Variants in NUP98 observed in about 807,000 individuals in gnomAD.
The protein encoded by NUP98 is nuclear pore complex protein Nup98-Nup96.
In NUP98, 26 loss-of-function variants were observed where a neutral mutation model predicts 191.9. The observed-to-expected ratio is 0.14, with a 90% CI of 0.10 to 0.19. NUP98 has a LOEUF of 0.19. NUP98 is among the 10% of genes least tolerant of loss of function. NUP98 has a pLI of 1.00. For missense variants in NUP98, 1,941 were observed against 2,178.8 expected, an observed-to-expected ratio of 0.89 and a Z score of 2.17; for synonymous variants, 808 against 778.4, an observed-to-expected ratio of 1.04 and a Z score of -0.63.
At chr11:3,737,392 G>A (rs373522930) in intron 12 of NUP98, among the ~76,000 whole-genome samples, 28 of 151,320 alleles carry the variant, frequency 1.9e-4, no homozygotes, top group Middle Eastern at 3.5e-3. Flanking sequence ...TTGGGAGGCC[G>A]AGGCAGGCGG....
At position 3,686,156 on chromosome 11, in the gene NUP98, A is replaced by G. The variant is rs61756014; in HGVS notation, c.4493T>C (p.Ile1498Thr). 1,823 of 1,614,258 alleles carry G rather than the reference A, an allele frequency of 1.1e-3. 17 individuals are homozygous for G. In the African/African-American group the frequency reaches 0.022, roughly 19 times the overall value. ...GCGGTAGTCCAAAGGATCTGCTGTT[A>G]TGCTTCGAGGCTCCAGCAGCTGGTT... ...DLNQLLEPRSITADPLDYRLS... is the reference protein window; with the variant it reads ...DLNQLLEPRSTTADPLDYRLS... The change falls in exon 29 of 33, where the codon ATA (isoleucine) becomes ACA (threonine). Residue 1498 changes from isoleucine to threonine, a missense_variant. Ile to Thr is a moderately conservative substitution (Grantham distance 89, BLOSUM62 -1). Transcript: ENST00000324932.
At chr11:3,748,035 T>C (rs145637151) in intron 11 of NUP98, among the ~76,000 whole-genome samples, 33 of 152,334 alleles carry the variant, frequency 2.2e-4, no homozygotes, top group African/African-American at 7.2e-4. Context: ...TTTTAGTTTA[T>C]AGGAGAGGCA....
intron 1 of NUP98, 58 bp downstream of exon 1, chr11:3,797,342 C>A: frequency 2.5e-6 from 1 of 399,934 alleles, no homozygotes; most frequent in Non-Finnish European, 4.4e-6. Flanking sequence ...GTCCGCCCGC[C>A]CGGAAGGGGG....
At position 3,712,626 on chromosome 11, in the gene NUP98, G is replaced by C. The variant is rs752309310; in HGVS notation, c.2680C>G (p.Pro894Ala). The C allele has an allele frequency of 1.2e-6, 2 of 1,613,948 alleles. No homozygotes were observed. Among genetic ancestry groups the C allele is most frequent in the Non-Finnish European group, 1.7e-6 (2 of 1,180,018 alleles). ...TGCAAGGGCGTAGTCTGGCTTGCAG[G>C]AGGCAAAGGAGCAGTCTTCAACTTC... ...TKKLKTAPLP[P>A]ASQTTPLQMA... The change falls in exon 20 of 33, where the codon CCT becomes GCT. Residue 894 changes from proline (P) to alanine (A), a missense_variant. Coordinates refer to ENST00000324932, the MANE Select transcript of NUP98 (RefSeq NM_016320.5).
At chr11:3,701,691 CTT>C (rs1160678744) in intron 23 of NUP98, among the ~76,000 whole-genome samples, 3 of 143,458 alleles carry the variant, frequency 2.1e-5, no homozygotes, top group African/African-American at 2.6e-5. Context: ...TCTTTTCTCT[CTT>C]TTTTTTTTTT....
rs2082582611 is a variant in NUP98 at position 3,796,489 on chromosome 11, TTC to T, written c.-29+909_-29+910del. Among the ~76,000 whole-genome samples the T allele has an allele frequency of 3.3e-5, 5 of 152,362 alleles. No homozygotes were observed. The South Asian group carries it at 1.0e-3, about 32-fold the overall frequency. On this transcript the variant is annotated intron_variant, in intron 1 of 32. Transcript: ENST00000324932. ...TTCTTTAACCATCTTCTAAGTTTAGTTCTCAAGCTCTAGGTTAGGGTACCACT... is the reference window on the plus strand; with the variant it reads ...TTCTTTAACCATCTTCTAAGTTTAGTTCAAGCTCTAGGTTAGGGTACCACT...
At chr11:3,736,602 TG>T (rs1355567845) in intron 12 of NUP98, among the ~76,000 whole-genome samples, 1 of 152,226 alleles carries the variant, frequency 6.6e-6, no homozygotes, top group Non-Finnish European at 1.5e-5. Context: ...CACTCCAGCC[TG>T]GGTGAAAGAG....
chr11:3,781,980 G>A lies in NUP98; in HGVS notation c.76+62C>T. The A allele has an allele frequency of 5.5e-6, 6 of 1,082,802 alleles. No individual in the cohort carries two copies. In the East Asian group the frequency reaches 1.5e-4, roughly 26 times the overall value. 67.1% of individuals were successfully genotyped at this position (1,082,802 alleles called of 1,614,324 possible). A position where few individuals can be genotyped will look rare whatever the true frequency, so the allele number is the denominator to read the frequency against. On this transcript the variant is annotated intron_variant, in intron 2 of 32. Coordinates refer to ENST00000324932, the MANE Select transcript of NUP98 (RefSeq NM_016320.5). ...ATTCCCACCTAAAGCTTATCAGAGT[G>A]GATTTGTTCTTAGTAAGGGAGATTA...
intron 7 of NUP98, among the ~76,000 whole-genome samples, chr11:3,769,427 C>T (rs2081445191): frequency 6.6e-6 from 1 of 151,368 alleles, no homozygotes; most frequent in Non-Finnish European, 1.5e-5. Flanking sequence ...CAGTGTCCTC[C>T]AACCCCCACC....
chr11:3,699,373 G>A (rs1391519153), intron 24 of NUP98, 25 bp from the exon 25 acceptor site: 1 of 1,609,162 alleles, frequency 6.2e-7, no homozygotes, highest in Non-Finnish European at 8.5e-7. Flanking sequence ...GAAAAACAAT[G>A]TTACGAGACA....
chr11:3,702,143 C>T (rs886385865), intron 23 of NUP98, among the ~76,000 whole-genome samples: 1 of 151,808 alleles, frequency 6.6e-6, no homozygotes, highest in African/African-American at 2.4e-5. Flanking sequence ...GAGGCTGAGG[C>T]AGGAGAAGAG....
intron 20 of NUP98, chr11:3,712,281 C>G (rs752007461): frequency 2.4e-5 from 29 of 1,190,656 alleles, no homozygotes; most frequent in Admixed American, 8.6e-5. Flanking sequence ...AATCACTGAG[C>G]AGAGAATTCA....
intron 10 of NUP98, among the ~76,000 whole-genome samples, chr11:3,755,231 G>A (rs1469545960): frequency 1.3e-5 from 2 of 151,824 alleles, no homozygotes; most frequent in African/African-American, 2.4e-5. Context: ...AGAGGCAGGT[G>A]GATCACTTGA....
intron 14 of NUP98, among the ~76,000 whole-genome samples, chr11:3,730,528 C>T (rs2079802210): frequency 6.6e-6 from 1 of 151,968 alleles, no homozygotes; most frequent in African/African-American, 2.4e-5. Flanking sequence ...CCATGCCCAG[C>T]TAATTTTGTA....
chr11:3,684,239 CAT>C (rs1363068775), intron 29 of NUP98, among the ~76,000 whole-genome samples: 2 of 151,798 alleles, frequency 1.3e-5, no homozygotes, highest in Non-Finnish European at 2.9e-5. Context: ...AAAACAAACA[CAT>C]AGCATTAATT....
intron 14 of NUP98, among the ~76,000 whole-genome samples, chr11:3,727,412 G>A (rs1221342807): frequency 1.3e-5 from 2 of 152,142 alleles, no homozygotes; most frequent in East Asian, 3.9e-4. Context: ...AATCCTACAA[G>A]CAAGAAAGTT....
chr11:3,717,972 T>G (rs963930029), intron 18 of NUP98, among the ~76,000 whole-genome samples: 2 of 152,216 alleles, frequency 1.3e-5, no homozygotes, highest in African/African-American at 4.8e-5. Flanking sequence ...TGTTAAATTC[T>G]GCTTCCTAGG....
In NUP98 at chr11:3,714,870, C is replaced by T. The variant is rs1050231420; in HGVS notation, c.2400-875G>A. 5 of 152,068 alleles carry T rather than the reference C, an allele frequency of 3.3e-5. 1 individual carries two copies. The highest frequency in any genetic ancestry group is 3.3e-4 in the Admixed American group (5 of 15,260). The allele number at this position is 152,068 out of a possible 1,614,324, so 9.4% of individuals were successfully genotyped here. A position where few individuals can be genotyped will look rare whatever the true frequency, so the allele number is the denominator to read the frequency against. On this transcript the variant is annotated intron_variant, in intron 18 of 32. Coordinates refer to ENST00000324932, the MANE Select transcript of NUP98 (RefSeq NM_016320.5). ...ATAGTGTTTTATTGCATGTATATAC[C>T]ACATTTTGTGTACCCATTCACTTAT... is the stretch of plus-strand genomic sequence containing the variant.
chr11:3,771,256 T>C (rs1347130949), intron 7 of NUP98, among the ~76,000 whole-genome samples: 1 of 152,230 alleles, frequency 6.6e-6, no homozygotes, highest in East Asian at 1.9e-4. Context: ...ACTGTCAATA[T>C]AGGAGACTTC....
Sources: allele counts gnomAD v4.1 joint callset (sites outside exome capture counted in the v4.1 genomes callset), GRCh38; gene constraint gnomAD v4.1.1; transcripts MANE v1.5; gene names NCBI Gene and HGNC (gene_info 2026-07-23, HGNC 2026-07-21).